The following PCDHAC2 variants were observed in gnomAD, a reference collection of about 807,000 sequenced individuals.
PCDHAC2 encodes the protein protocadherin alpha subfamily C, 2.
A neutral mutation model predicts 63.3 loss-of-function variants in PCDHAC2; 24 were observed. The observed-to-expected ratio is 0.38, with a 90% CI of 0.27 to 0.53. PCDHAC2 has a LOEUF of 0.53. Among genes scored for constraint, PCDHAC2 ranks in the 20% least tolerant of loss-of-function variants. The pLI, the probability that PCDHAC2 is intolerant of heterozygous loss-of-function variation, is 0.81. For synonymous variants in PCDHAC2, 569 were observed against 529.4 expected, an observed-to-expected ratio of 1.07 and a Z score of -1.03; for missense variants, 1,181 against 1,275.2, an observed-to-expected ratio of 0.93 and a Z score of 1.12.
chr5:140,995,800 A>G (rs180764210), intron 3 of PCDHAC2, among the ~76,000 whole-genome samples: 3 of 152,282 alleles, frequency 2.0e-5, no homozygotes, highest in Non-Finnish European at 2.9e-5. Context: ...GTCTCATGTT[A>G]GTTTCTGAAG....
chr5:140,996,678 G>T (rs922990686), intron 3 of PCDHAC2, among the ~76,000 whole-genome samples: 28 of 152,162 alleles, frequency 1.8e-4, no homozygotes, highest in African/African-American at 6.7e-4. Context: ...AACCATGTTG[G>T]GCTAGTATTC....
chr5:140,980,734 T>C (rs2096903764), intron 2 of PCDHAC2, among the ~76,000 whole-genome samples: 3 of 151,998 alleles, frequency 2.0e-5, no homozygotes, highest in African/African-American at 4.8e-5. Context: ...TAAGATATTA[T>C]GAGATTTGAG....
In PCDHAC2 at chr5:140,982,560, C is replaced by G. The variant is rs782437404; in HGVS notation, c.2710C>G (p.Pro904Ala). The G allele has an allele frequency of 5.6e-6, 9 of 1,614,098 alleles. No homozygotes were observed. Among genetic ancestry groups the G allele is most frequent in the South Asian group, 4.4e-5 (4 of 91,078 alleles). ...QQWPTVSSAT[P>A]EPEAGEVSPP... ...GTGGCCAACAGTATCCAGTGCAACA[C>G]CAGGTAAAGAGCTGGGGTCTCTCCA... Residue 904 changes from proline to alanine, a missense_variant, in exon 3 of 4, where the codon CCA (proline) becomes GCA (alanine). Physicochemically the swap from Pro to Ala is conservative, Grantham distance 27. Coordinates refer to ENST00000289269, the MANE Select transcript of PCDHAC2 (RefSeq NM_018899.6).
At chr5:140,983,272 G>A (rs2097037556) in intron 3 of PCDHAC2, among the ~76,000 whole-genome samples, 1 of 152,176 alleles carries the variant, frequency 6.6e-6, no homozygotes, top group African/African-American at 2.4e-5. Context: ...TAATGGCTGG[G>A]TGAGTATAGG....
At chr5:140,969,374 G>A (rs1554231740) in intron 1 of PCDHAC2, 43 bp downstream of exon 1, 1 of 1,606,076 alleles carries the variant, frequency 6.2e-7, no homozygotes, top group South Asian at 1.1e-5. Flanking sequence ...TCATGCATTT[G>A]TTACACATCC....
intron 3 of PCDHAC2, among the ~76,000 whole-genome samples, chr5:140,991,017 C>G (rs1440489095): frequency 6.6e-6 from 1 of 152,178 alleles, no homozygotes; most frequent in Non-Finnish European, 1.5e-5. Context: ...GTGATAAGCA[C>G]TTTACATATG....
intron 3 of PCDHAC2, among the ~76,000 whole-genome samples, chr5:140,987,400 C>T (rs1554249169): frequency 1.3e-5 from 2 of 152,090 alleles, no homozygotes; most frequent in Middle Eastern, 3.2e-3. Context: ...AGGAAGCCAT[C>T]TGTTTATGGT....
At chr5:140,972,729 T>G (rs574244702) in intron 1 of PCDHAC2, among the ~76,000 whole-genome samples, 47 of 147,600 alleles carry the variant, frequency 3.2e-4, no homozygotes, top group African/African-American at 1.1e-3. Context: ...AGTGGCGTAA[T>G]CCCGGCTCAC....
intron 2 of PCDHAC2, among the ~76,000 whole-genome samples, chr5:140,979,303 C>A (rs1048294748): frequency 6.6e-6 from 1 of 152,148 alleles, no homozygotes; most frequent in Non-Finnish European, 1.5e-5. Context: ...CTCCTTCATC[C>A]CTCTCTACCT....
At chr5:140,986,899 C>G (rs2097217128) in intron 3 of PCDHAC2, among the ~76,000 whole-genome samples, 1 of 152,072 alleles carries the variant, frequency 6.6e-6, no homozygotes, top group African/African-American at 2.4e-5. Flanking sequence ...AGGCCCTATC[C>G]TAGACTAATG....
Position 140,967,936 on chromosome 5 carries a change from T to G in PCDHAC2, c.1170T>G (p.Asn390Lys). 1 of 1,614,226 alleles carries G rather than the reference T, an allele frequency of 6.2e-7. No homozygotes were observed. Among genetic ancestry groups the G allele is most frequent in the Non-Finnish European group, 8.5e-7 (1 of 1,180,030 alleles). ...PNTIVAVLSV[N>K]DQDSGPNRKV... is the part of the protein sequence containing the mutation. ...CCATTGTGGCCGTTCTCAGTGTCAA[T>G]GACCAAGACTCAGGCCCCAACCGGA... Residue 390 changes from asparagine (N) to lysine (K), a missense_variant, in exon 1 of 4, where the codon AAT (asparagine) becomes AAG (lysine). This residue lies in a region of PCDHAC2 where 968 missense variants were observed against 1,073.5 expected (regional missense o/e 0.90). Transcript: ENST00000289269.
intron 3 of PCDHAC2, among the ~76,000 whole-genome samples, chr5:140,999,763 T>C (rs1475737646): frequency 2.0e-5 from 3 of 152,200 alleles, no homozygotes; most frequent in African/African-American, 7.2e-5. Flanking sequence ...ACATGATGTC[T>C]TTATACTCTT....
intron 1 of PCDHAC2, 167 bp from the exon 2 acceptor site, chr5:140,978,782 A>T (rs782295456): frequency 3.1e-5 from 30 of 971,664 alleles, no homozygotes; most frequent in Non-Finnish European, 3.7e-5. Context: ...TTTTCTTCTA[A>T]AGTGCTATAT....
chr5:140,994,428 C>T lies in PCDHAC2; in HGVS notation c.2713+11865C>T, dbSNP rs183026150. Among the ~76,000 whole-genome samples, 15 of 152,198 alleles carry T rather than the reference C, an allele frequency of 9.9e-5. No individual in the cohort carries two copies. The South Asian group carries it at 1.2e-3, about 13-fold the overall frequency. On this transcript the variant is annotated intron_variant, in intron 3 of 3. Transcript: ENST00000289269. ...TTTAATACTGGATATTGAGGCCGGGCGCAGTGGCTCACACCTGTGATCCCA... is the reference window on the plus strand; with the variant it reads ...TTTAATACTGGATATTGAGGCCGGGTGCAGTGGCTCACACCTGTGATCCCA...
At chr5:140,980,837 A>T (rs1189348118) in intron 2 of PCDHAC2, among the ~76,000 whole-genome samples, 1 of 152,160 alleles carries the variant, frequency 6.6e-6, no homozygotes, top group Non-Finnish European at 1.5e-5. Context: ...TGTGAACCTA[A>T]ATAATACTAA....
chr5:141,010,315 T>G lies in PCDHAC2; in HGVS notation c.*378T>G. ...AGGGCAGGCTGAAAAGTTTTGAGAT[T>G]GAGCAGCTTGGGAGTTTGTGGCCAC... On this transcript the variant is annotated 3_prime_UTR_variant, in exon 4 of 4. Transcript: ENST00000289269. 2.6e-6 allele frequency: 4 copies of G among 1,546,626 alleles called. No homozygotes were observed. Among genetic ancestry groups the G allele is most frequent in the Non-Finnish European group, 3.5e-6 (4 of 1,145,530 alleles).
intron 3 of PCDHAC2, among the ~76,000 whole-genome samples, chr5:140,995,361 G>C (rs567350687): frequency 1.1e-3 from 168 of 152,090 alleles, no homozygotes; most frequent in African/African-American, 3.4e-3. Flanking sequence ...TCGGACAGAG[G>C]GATGATTCAC....
At chr5:140,990,962 T>C (rs2097423975) in intron 3 of PCDHAC2, among the ~76,000 whole-genome samples, 2 of 152,180 alleles carry the variant, frequency 1.3e-5, no homozygotes, top group Non-Finnish European at 2.9e-5. Context: ...AATAGTCTCT[T>C]AGAACAAGAG....
chr5:140,975,202 T>G (rs143285430), intron 1 of PCDHAC2, among the ~76,000 whole-genome samples: 4 of 152,352 alleles, frequency 2.6e-5, no homozygotes, highest in African/African-American at 7.2e-5. Flanking sequence ...TCCATCTTCA[T>G]GGCTGGCACT....
Sources: gnomAD v4.1 joint callset for allele counts (sites outside exome capture counted in the v4.1 genomes callset) on GRCh38, gnomAD v4.1.1 for gene constraint, gnomAD v4.1.1 regional missense constraint, MANE v1.5 for transcripts, NCBI Gene and HGNC (gene_info 2026-07-23, HGNC 2026-07-21) for gene names.